Variants in ADGRG1 observed in about 807,000 individuals in gnomAD.
The protein encoded by ADGRG1 is adhesion G protein-coupled receptor G1.
A neutral mutation model predicts 73.5 loss-of-function variants in ADGRG1; 53 were observed. The ratio of observed to expected loss-of-function variants is 0.72; its 90% CI spans 0.58 to 0.91. The LOEUF (loss-of-function observed/expected upper bound fraction) is 0.91. ADGRG1 is among the 40% of genes least tolerant of loss of function. The pLI is 0.00. For missense variants in ADGRG1, 795 were observed against 871.8 expected (o/e 0.91, Z 1.11); for synonymous variants, 394 against 374.4 (o/e 1.05, Z -0.60).
chr16:57,631,747 C>A, intron 1 of ADGRG1: 2 of 985,452 alleles, frequency 2.0e-6, no homozygotes, highest in Non-Finnish European at 2.4e-6. Context: ...GGCTGTGGCA[C>A]GGCCTCAGCC....
chr16:57,639,606 C>T, intron 1 of ADGRG1: 1 of 985,450 alleles, frequency 1.0e-6, no homozygotes, highest in Non-Finnish European at 1.2e-6. Flanking sequence ...CAAACAAGAA[C>T]CCCTCATCTG....
chr16:57,655,631 A>T, intron 6 of ADGRG1, 101 bp downstream of exon 6: 1 of 1,592,746 alleles, frequency 6.3e-7, no homozygotes, highest in Non-Finnish European at 8.5e-7. Flanking sequence ...TGGGAGTCAA[A>T]GCCTTTCCTT....
intron 1 of ADGRG1, chr16:57,644,049 C>T (rs968133327): frequency 2.3e-5 from 23 of 985,196 alleles, no homozygotes; most frequent in South Asian, 9.4e-5. Flanking sequence ...TCCTCTCAGA[C>T]GCCACGCCAC....
At position 57,651,655 on chromosome 16, in the gene ADGRG1, G is replaced by A. The variant is rs757555150; in HGVS notation, c.487+33G>A. The A allele has an allele frequency of 6.2e-5, 99 of 1,601,778 alleles. No individual in the cohort carries two copies. In the South Asian group the frequency reaches 1.1e-3, roughly 17 times the overall value. On this transcript the variant is annotated intron_variant, in intron 3 of 13. Coordinates refer to ENST00000562631, the MANE Select transcript of ADGRG1 (RefSeq NM_201525.4). ...AACTTCCAGGCGGAGGGAACAACTG[G>A]GCAGTGGTCTAGAGGCAGGGAAGGC...
At position 57,648,594 on chromosome 16, in the gene ADGRG1, C is replaced by T. The variant is rs532193104; in HGVS notation, c.-35-1659C>T. On this transcript the variant is annotated intron_variant, in intron 1 of 13. Coordinates refer to ENST00000562631, the MANE Select transcript of ADGRG1 (RefSeq NM_201525.4). ...TGAGCTCCTGCCTGGGACACCCCTT[C>T]TTTTAATGCTGCTCTCAATGATTTG... is the stretch of plus-strand genomic sequence containing the variant. 1.0e-5 allele frequency: 10 copies of T among 984,894 alleles called. No individual in the cohort carries two copies. The African/African-American group carries it at 1.0e-4, about 10-fold the overall frequency. 61.0% of individuals were successfully genotyped at this position (984,894 alleles called of 1,614,324 possible). A position where few individuals can be genotyped will look rare whatever the true frequency, so the allele number is the denominator to read the frequency against.
chr16:57,642,013 A>C, intron 1 of ADGRG1: 1 of 857,110 alleles, frequency 1.2e-6, no homozygotes. Flanking sequence ...TCAGCCTCCC[A>C]AGTAGCTGGT....
In ADGRG1 at chr16:57,633,434, G is replaced by A. The variant is rs11864115; in HGVS notation, c.-36+4632G>A. On this transcript the variant is annotated intron_variant, in intron 1 of 13. Coordinates refer to ENST00000562631, the MANE Select transcript of ADGRG1 (RefSeq NM_201525.4). ...TGGGGATGAACCGAGACAGCCACAC[G>A]TCATAGGGGCTCATGAGACGCAGAC... The A allele has an allele frequency of 7.1e-3, 6,991 of 985,324 alleles. 418 individuals are homozygous for A. The East Asian group carries it at 0.21, about 30-fold the overall frequency. The allele number at this position is 985,324 out of a possible 1,614,324, so 61.0% of individuals were successfully genotyped here. A position where few individuals can be genotyped will look rare whatever the true frequency, so the allele number is the denominator to read the frequency against.
At chr16:57,630,609 G>C (rs72791680) in intron 1 of ADGRG1, 43,490 of 796,428 alleles carry the variant, frequency 0.055, 1,277 homozygotes, top group African/African-American at 0.092. Flanking sequence ...TGGGCCACTG[G>C]GCAAGGGCCA....
At chr16:57,628,572 C>T (rs1476576992), upstream of ADGRG1, 30 of 985,420 alleles carry the variant, frequency 3.0e-5, no homozygotes, top group Middle Eastern at 1.0e-3. Flanking sequence ...AGGGAGGAGC[C>T]CAGCTGGGGC....
chr16:57,650,421 G>A lies in ADGRG1; in HGVS notation c.64+70G>A, dbSNP rs1236829137. On this transcript the variant is annotated intron_variant, in intron 2 of 13. Coordinates refer to ENST00000562631, the MANE Select transcript of ADGRG1 (RefSeq NM_201525.4). ...AAATGCCCCTGTGCCTAGGGTGGCTGCCAGCACACATGCTAACTCCTTTAG... is the reference window on the plus strand; with the variant it reads ...AAATGCCCCTGTGCCTAGGGTGGCTACCAGCACACATGCTAACTCCTTTAG... The A allele has an allele frequency of 4.3e-6, 7 of 1,610,952 alleles. No homozygotes were observed. In the Admixed American group the frequency reaches 1.2e-4, roughly 27 times the overall value.
intron 11 of ADGRG1, 41 bp downstream of exon 11, chr16:57,659,722 C>T (rs1204112274): frequency 6.2e-7 from 1 of 1,609,852 alleles, no homozygotes; most frequent in South Asian, 1.1e-5. Context: ...CTGCCTCTCC[C>T]ACTTGGCTCT....
chr16:57,633,659 G>A (rs1417634429), intron 1 of ADGRG1: 1 of 257,094 alleles, frequency 3.9e-6, no homozygotes, highest in African/African-American at 2.3e-5. Flanking sequence ...CATGAGGCTG[G>A]TAATGGCATC....
rs758339590 is a variant in ADGRG1, at chr16:57,650,348, C to A, written c.61C>A (p.Gln21Lys). Residue 21 changes from glutamine (Q) to lysine (K), a missense_variant, in exon 2 of 14, where the codon CAA becomes AAA. By Grantham distance (53) the Gln-to-Lys change is moderately conservative (BLOSUM62 1). Transcript: ENST00000562631. ...LFLLSLLFLV[Q>K]GAHGRGHRED... ...CCTGCTGAGTCTGCTCTTCCTGGTC[C>A]AAGGCAGGTCTTCCCAGGGGTGCCC... 5.0e-6 allele frequency: 8 copies of A among 1,611,436 alleles called. No individual in the cohort carries two copies. The Admixed American group carries it at 1.3e-4, about 27-fold the overall frequency.
intron 1 of ADGRG1, 173 bp downstream of exon 1, chr16:57,628,975 T>C: frequency 1.8e-6 from 1 of 541,606 alleles, no homozygotes. Flanking sequence ...TGTGAGTGTG[T>C]GAGAGTGAGT....
At chr16:57,628,983 A>AGAGTGAGT (rs1555531241) in intron 1 of ADGRG1, 181 bp downstream of exon 1, 2 of 478,720 alleles carry the variant, frequency 4.2e-6, no homozygotes, top group Non-Finnish European at 5.2e-6. Flanking sequence ...TGTGAGAGTG[A>AGAGTGAGT]GTGAGAATGT....
At chr16:57,628,945 A>AGAGTGTGT (rs1567668664) in intron 1 of ADGRG1, 143 bp downstream of exon 1, 24,670 of 596,872 alleles carry the variant, frequency 0.041, 2,075 homozygotes, top group African/African-American at 0.1. Context: ...TGTGAGCGTG[A>AGAGTGTGT]GAGTGTGAGA....
chr16:57,650,271 G>A lies in ADGRG1; in HGVS notation c.-17G>A. Reference sequence around the variant, plus strand: ...CTTCCAGGTGGTGACTTCCAAGAGTGACTCCGTCGGAGGAAAATGACTCCC... The same window carrying A: ...CTTCCAGGTGGTGACTTCCAAGAGTAACTCCGTCGGAGGAAAATGACTCCC... On this transcript the variant is annotated 5_prime_UTR_variant, in exon 2 of 14. Transcript: ENST00000562631. The A allele has an allele frequency of 1.2e-6, 2 of 1,611,964 alleles. No homozygotes were observed. Among genetic ancestry groups the A allele is most frequent in the Non-Finnish European group, 1.7e-6 (2 of 1,178,048 alleles).
intron 1 of ADGRG1, among the ~76,000 whole-genome samples, chr16:57,637,088 G>T (rs756812926): frequency 1.3e-5 from 2 of 152,160 alleles, no homozygotes; most frequent in Non-Finnish European, 2.9e-5. Flanking sequence ...GTCTAGAGTG[G>T]CTGGAGTTGG....
intron 1 of ADGRG1, chr16:57,630,381 C>T (rs2037452586): frequency 1.0e-6 from 1 of 985,482 alleles, no homozygotes; most frequent in Non-Finnish European, 1.2e-6. Flanking sequence ...TTCTTTGCTG[C>T]AGGGACCCGA....
Sources: allele counts gnomAD v4.1 joint callset (sites outside exome capture counted in the v4.1 genomes callset), GRCh38; gene constraint gnomAD v4.1.1; transcripts MANE v1.5; gene names NCBI Gene and HGNC (gene_info 2026-07-23, HGNC 2026-07-21).